Variants in ZSWIM5 observed in about 807,000 individuals in gnomAD.
ZSWIM5 encodes the protein zinc finger SWIM domain-containing protein 5.
A neutral mutation model predicts 119.6 loss-of-function variants in ZSWIM5; 55 were observed. The ratio of observed to expected loss-of-function variants is 0.46; its 90% CI spans 0.37 to 0.58. The LOEUF (loss-of-function observed/expected upper bound fraction) is 0.58. Ranked by LOEUF, ZSWIM5 falls within the 20% of genes least tolerant of loss-of-function variation. ZSWIM5 has a pLI of 0.00. For missense variants in ZSWIM5, 1,193 were observed against 1,512.8 expected, an observed-to-expected ratio of 0.79 and a Z score of 3.51; for synonymous variants, 537 against 606.9, an observed-to-expected ratio of 0.88 and a Z score of 1.69.
At chr1:45,030,683 A>C (rs901508039) in intron 11 of ZSWIM5, among the ~76,000 whole-genome samples, 8 of 152,054 alleles carry the variant, frequency 5.3e-5, no homozygotes, top group African/African-American at 1.9e-4. Context: ...TGTCTTTAGA[A>C]TCTGTAGTGA....
chr1:45,199,169 AG>A (rs1365390241), intron 1 of ZSWIM5, among the ~76,000 whole-genome samples: 1 of 152,024 alleles, frequency 6.6e-6, no homozygotes, highest in Non-Finnish European at 1.5e-5. Flanking sequence ...TGTGTAATGT[AG>A]GTATTTCCTT....
chr1:45,048,632 G>A (rs1412260034), intron 5 of ZSWIM5, among the ~76,000 whole-genome samples: 1 of 152,108 alleles, frequency 6.6e-6, no homozygotes, highest in Non-Finnish European at 1.5e-5. Flanking sequence ...CAAGATTGAT[G>A]GTGGTAACTG....
intron 11 of ZSWIM5, 119 bp from the exon 12 acceptor site, chr1:45,020,907 A>G: frequency 8.1e-7 from 1 of 1,231,710 alleles, no homozygotes; most frequent in Non-Finnish European, 1.1e-6. Flanking sequence ...TCTGAATGCT[A>G]CCGCCCCTTC....
intron 11 of ZSWIM5, among the ~76,000 whole-genome samples, chr1:45,030,265 C>T (rs1390435433): frequency 1.3e-5 from 2 of 151,244 alleles, no homozygotes; most frequent in African/African-American, 4.9e-5. Context: ...ATTGATTGAT[C>T]GAGATGGAAT....
At chr1:45,052,819 T>C (rs1187232439) in intron 4 of ZSWIM5, among the ~76,000 whole-genome samples, 2 of 151,570 alleles carry the variant, frequency 1.3e-5, no homozygotes. Context: ...AAATGTACCA[T>C]GAAAAAGAAA....
At chr1:45,113,385 T>C (rs1318486344) in intron 1 of ZSWIM5, among the ~76,000 whole-genome samples, 1 of 152,202 alleles carries the variant, frequency 6.6e-6, no homozygotes, top group Non-Finnish European at 1.5e-5. Flanking sequence ...TATTTATTTT[T>C]TAGAGACAGG....
chr1:45,185,778 T>C (rs1425344014), intron 1 of ZSWIM5, among the ~76,000 whole-genome samples: 5 of 152,128 alleles, frequency 3.3e-5, no homozygotes, highest in Non-Finnish European at 5.9e-5. Context: ...TGTGGAGAAA[T>C]AGGAACACTT....
Position 45,020,156 on chromosome 1 carries a change from A to T in ZSWIM5, c.2614-9T>A. 1 of 1,613,888 alleles carries T rather than the reference A, an allele frequency of 6.2e-7. No homozygotes were observed. The highest frequency in any genetic ancestry group is 8.5e-7 in the Non-Finnish European group (1 of 1,179,778). ...AAGGTCATCCGCATCACCTGGGCAC[A>T]AAAGAGGCCTTTCCAGTGGGCTATG... On this transcript the variant is annotated splice_polypyrimidine_tract_variant and intron_variant, in intron 12 of 13. Coordinates refer to ENST00000359600, the MANE Select transcript of ZSWIM5 (RefSeq NM_020883.2).
At chr1:45,190,775 C>G (rs1490047025) in intron 1 of ZSWIM5, among the ~76,000 whole-genome samples, 13 of 152,020 alleles carry the variant, frequency 8.6e-5, no homozygotes, top group Non-Finnish European at 1.5e-5. Flanking sequence ...TAGGGATCAA[C>G]ATCTGTGAAA....
intron 1 of ZSWIM5, among the ~76,000 whole-genome samples, chr1:45,157,726 G>A (rs981310022): frequency 1.1e-4 from 16 of 151,974 alleles, no homozygotes; most frequent in South Asian, 4.2e-4. Context: ...AGAATTTCTC[G>A]GTCATAGGGT....
chr1:45,039,175 G>C, intron 7 of ZSWIM5, 102 bp from the exon 8 acceptor site: 1 of 1,396,426 alleles, frequency 7.2e-7, no homozygotes. Flanking sequence ...GACCCTGAGA[G>C]TCAAATAAAA....
At position 45,182,002 on chromosome 1, in the gene ZSWIM5, A is replaced by G. The variant is rs548429966; in HGVS notation, c.595+23754T>C. ...ATGCCAAAATGTAAAGACCATCGAG[A>G]CTAGGAAGAAGCTGCATCAACTAAT... On this transcript the variant is annotated intron_variant, in intron 1 of 13. Transcript: ENST00000359600. Among the ~76,000 whole-genome samples the G allele has an allele frequency of 3.8e-3, 574 of 152,314 alleles. 1 individual carries two copies. Among genetic ancestry groups the G allele is most frequent in the Non-Finnish European group, 5.9e-3 (403 of 68,030 alleles).
At chr1:45,052,125 C>T (rs1416929522) in intron 4 of ZSWIM5, among the ~76,000 whole-genome samples, 1 of 151,454 alleles carries the variant, frequency 6.6e-6, no homozygotes, top group East Asian at 1.9e-4. Flanking sequence ...GCCTCAGCGC[C>T]CCCCCTCGCA....
chr1:45,115,927 G>T (rs1319359650), intron 1 of ZSWIM5, among the ~76,000 whole-genome samples: 1 of 152,230 alleles, frequency 6.6e-6, no homozygotes, highest in Non-Finnish European at 1.5e-5. Flanking sequence ...GTTGTAGCGA[G>T]CCGAGATCAC....
intron 1 of ZSWIM5, among the ~76,000 whole-genome samples, chr1:45,188,738 T>C (rs538490671): frequency 4.6e-5 from 7 of 152,182 alleles, no homozygotes; most frequent in Non-Finnish European, 8.8e-5. Context: ...AGAGAGAAGA[T>C]AGCCTCCCTA....
intron 5 of ZSWIM5, among the ~76,000 whole-genome samples, chr1:45,045,250 T>C (rs982514919): frequency 6.6e-6 from 1 of 151,832 alleles, no homozygotes; most frequent in Non-Finnish European, 1.5e-5. Flanking sequence ...CATGAGGGAG[T>C]CATTTAACTG....
intron 11 of ZSWIM5, among the ~76,000 whole-genome samples, chr1:45,022,021 CA>C (rs111486389): frequency 0.24 from 33,893 of 138,684 alleles, 4,018 homozygotes; most frequent in Admixed American, 0.33. Context: ...GACTCCGTCT[CA>C]AAAAAAAAAA....
intron 1 of ZSWIM5, among the ~76,000 whole-genome samples, chr1:45,104,879 CCA>C (rs1645460495): frequency 6.6e-6 from 1 of 152,242 alleles, no homozygotes; most frequent in Non-Finnish European, 1.5e-5. Flanking sequence ...GTACCAGAAA[CCA>C]CAGTTCAAGA....
At position 45,018,452 on chromosome 1, in the gene ZSWIM5, T is replaced by C; in HGVS notation, c.*2A>G. On this transcript the variant is annotated 3_prime_UTR_variant, in exon 14 of 14. Transcript: ENST00000359600. The surrounding 1 kb of genome is among the most constrained non-coding windows in gnomAD (Gnocchi z 6.7). The stretch of plus-strand genomic sequence containing the variant: ...TGCTCTGGCAGTGAGCTATCTGCTC[T>C]CTCAGCCAAAGCGCTCTCGCACCAG... 1 of 1,612,308 alleles carries C rather than the reference T, an allele frequency of 6.2e-7. No homozygotes were observed.
Sources: allele counts gnomAD v4.1 joint callset (sites outside exome capture counted in the v4.1 genomes callset), GRCh38; gene constraint gnomAD v4.1.1; non-coding constraint Gnocchi (gnomAD v3.1); transcripts MANE v1.5; gene names NCBI Gene and HGNC (gene_info 2026-07-23, HGNC 2026-07-21).